PFDN1: variants seen among roughly 807,000 people sequenced by gnomAD.
The protein encoded by PFDN1 is prefoldin 1.
Under a neutral mutation model 17.3 loss-of-function variants are expected in PFDN1, and 6 were observed. The observed-to-expected ratio is 0.35, with a 90% CI of 0.19 to 0.69. PFDN1 has a LOEUF of 0.69. Ranked by LOEUF, PFDN1 falls within the 30% of genes least tolerant of loss-of-function variation. The pLI is 0.65. For missense variants in PFDN1, 113 were observed against 146.2 expected, an observed-to-expected ratio of 0.77 and a Z score of 1.17; for synonymous variants, 58 against 50.1, an observed-to-expected ratio of 1.16 and a Z score of -0.67.
chr5:140,297,439 G>A (rs1330338321), intron 2 of PFDN1, among the ~76,000 whole-genome samples: 2 of 152,104 alleles, frequency 1.3e-5, no homozygotes, highest in Non-Finnish European at 2.9e-5. Context: ...CTTCCTCTCA[G>A]GGCACTAATA....
chr5:140,260,499 T>C (rs780711180), intron 3 of PFDN1, among the ~76,000 whole-genome samples: 1 of 151,864 alleles, frequency 6.6e-6, no homozygotes, highest in Non-Finnish European at 1.5e-5. Flanking sequence ...CAATGGAATA[T>C]TATTCAGACA....
chr5:140,279,886 T>C (rs1244148887), intron 3 of PFDN1, among the ~76,000 whole-genome samples: 1 of 149,042 alleles, frequency 6.7e-6, no homozygotes, highest in East Asian at 2.0e-4. Context: ...TCCCAGCTAC[T>C]TGGGAAGCTG....
At chr5:140,246,231 T>C (rs1764827616) in intron 3 of PFDN1, among the ~76,000 whole-genome samples, 174 bp from the exon 4 acceptor site, 1 of 152,070 alleles carries the variant, frequency 6.6e-6, no homozygotes, top group Non-Finnish European at 1.5e-5. Flanking sequence ...CTCCGAACCA[T>C]GGGTGATCAC....
At chr5:140,275,346 C>T (rs1230927367) in intron 3 of PFDN1, among the ~76,000 whole-genome samples, 7 of 149,110 alleles carry the variant, frequency 4.7e-5, no homozygotes, top group Middle Eastern at 3.6e-3. Flanking sequence ...GAGGCGGAGC[C>T]TGCAGTGAGC....
At position 140,270,139 on chromosome 5, in the gene PFDN1, G is replaced by C. The variant is rs1765185183; in HGVS notation, c.285+11310C>G. On this transcript the variant is annotated intron_variant, in intron 3 of 3. Coordinates refer to ENST00000261813, the MANE Select transcript of PFDN1 (RefSeq NM_002622.5). ...GAAACTGATCAGAGTAAGAATCTAG[G>C]ATAAGGATTCTTGGCAAGGAAGTAT... Among the ~76,000 whole-genome samples the C allele has an allele frequency of 2.6e-5, 4 of 152,216 alleles. No homozygotes were observed. In the South Asian group the frequency reaches 8.3e-4, roughly 32 times the overall value.
At chr5:140,300,906 A>G (rs1561522429) in intron 1 of PFDN1, among the ~76,000 whole-genome samples, 1 of 152,252 alleles carries the variant, frequency 6.6e-6, no homozygotes, top group African/African-American at 2.4e-5. Context: ...AACAAGAACC[A>G]TAAAAGTAAT....
intron 2 of PFDN1, among the ~76,000 whole-genome samples, chr5:140,282,759 A>G (rs1765430405): frequency 1.3e-5 from 2 of 152,244 alleles, no homozygotes; most frequent in Admixed American, 1.3e-4. Flanking sequence ...GCCCCAAGTA[A>G]GTGAACTGAA....
At chr5:140,296,233 CT>C (rs997898676) in intron 2 of PFDN1, among the ~76,000 whole-genome samples, 5 of 152,008 alleles carry the variant, frequency 3.3e-5, no homozygotes, top group African/African-American at 1.2e-4. Context: ...TTCTAAAATA[CT>C]TTTTTTTCTA....
At chr5:140,287,829 GAA>G (rs1322579489) in intron 2 of PFDN1, among the ~76,000 whole-genome samples, 1 of 152,178 alleles carries the variant, frequency 6.6e-6, no homozygotes, top group East Asian at 1.9e-4. Context: ...ATAAGCAAGT[GAA>G]AAGATATTCA....
chr5:140,288,171 A>G (rs1204478932), intron 2 of PFDN1, among the ~76,000 whole-genome samples: 2 of 152,270 alleles, frequency 1.3e-5, no homozygotes, highest in African/African-American at 4.8e-5. Flanking sequence ...ATATTCTTCA[A>G]TAAGTGAATG....
intron 3 of PFDN1, among the ~76,000 whole-genome samples, chr5:140,249,077 C>T (rs1367223432): frequency 6.6e-6 from 1 of 152,186 alleles, no homozygotes; most frequent in African/African-American, 2.4e-5. Context: ...TCAATAATTC[C>T]TGTCTCAGTC....
At chr5:140,261,792 TAAGACAAG>T (rs1765069062) in intron 3 of PFDN1, among the ~76,000 whole-genome samples, 1 of 152,000 alleles carries the variant, frequency 6.6e-6, no homozygotes, top group African/African-American at 2.4e-5. Flanking sequence ...AACTTCTAGG[TAAGACAAG>T]CAACCCAGGA....
At position 140,278,587 on chromosome 5, in the gene PFDN1, A is replaced by ACC. The variant is rs1561508727; in HGVS notation, c.285+2861_285+2862insGG. ...AAAAAAAAAAAAAAAAAAAAAAAAA[A>ACC]CAAAAAACAAAACATAAGCTCCAAA... On this transcript the variant is annotated intron_variant, in intron 3 of 3. Transcript: ENST00000261813. 1.4e-4 allele frequency among the ~76,000 whole-genome samples: 18 copies of ACC among 131,784 alleles called. 1 individual carries two copies. The highest frequency in any genetic ancestry group is 2.4e-4 in the Non-Finnish European group (15 of 62,896). 86.5% of individuals were successfully genotyped at this position (131,784 alleles called of 152,430 possible). A position where few individuals can be genotyped will look rare whatever the true frequency, so the allele number is the denominator to read the frequency against.
At chr5:140,290,222 T>G (rs1765559224) in intron 2 of PFDN1, among the ~76,000 whole-genome samples, 1 of 152,186 alleles carries the variant, frequency 6.6e-6, no homozygotes, top group Non-Finnish European at 1.5e-5. Context: ...ATCATTGCAG[T>G]TGCATCCCCC....
intron 3 of PFDN1, among the ~76,000 whole-genome samples, chr5:140,255,329 C>A (rs954771492): frequency 6.6e-6 from 1 of 152,168 alleles, no homozygotes; most frequent in South Asian, 2.1e-4. Flanking sequence ...TACAACCCTG[C>A]ACTTTGGAAG....
At position 140,249,809 on chromosome 5, in the gene PFDN1, T is replaced by C. The variant is rs905284826; in HGVS notation, c.286-3752A>G. Among the ~76,000 whole-genome samples, 4 of 152,036 alleles carry C rather than the reference T, an allele frequency of 2.6e-5. No individual in the cohort carries two copies. In the East Asian group the frequency reaches 7.7e-4, roughly 29 times the overall value. Reference sequence around the variant, plus strand: ...AGCCAGTCAGTGAAGAAACAAAGCATGAGAACTCACTCCCATGAGAATGGT... The same window carrying C: ...AGCCAGTCAGTGAAGAAACAAAGCACGAGAACTCACTCCCATGAGAATGGT... On this transcript the variant is annotated intron_variant, in intron 3 of 3. Coordinates refer to ENST00000261813, the MANE Select transcript of PFDN1 (RefSeq NM_002622.5).
At chr5:140,276,059 GATA>G (rs751035013) in intron 3 of PFDN1, among the ~76,000 whole-genome samples, 2 of 144,260 alleles carry the variant, frequency 1.4e-5, no homozygotes, top group African/African-American at 2.5e-5. Context: ...TGATGATGAT[GATA>G]ATTACAGAGG....
intron 3 of PFDN1, among the ~76,000 whole-genome samples, chr5:140,253,819 C>T (rs1473833621): frequency 1.3e-5 from 2 of 152,198 alleles, no homozygotes; most frequent in Admixed American, 6.5e-5. Context: ...CTATAGAAAG[C>T]AATGGCTCTC....
rs747872437 is a variant in PFDN1 at position 140,303,019 on chromosome 5, CCTGCCAAAG to C, written c.33+13_33+21del. 1 of 1,583,766 alleles carries C rather than the reference CCTGCCAAAG, an allele frequency of 6.3e-7. No homozygotes were observed. The highest frequency in any genetic ancestry group is 1.1e-5 in the South Asian group (1 of 90,460). ...TCAGCCTCCAAAAAGAAGACCTCCG[CCTGCCAAAG>C]ACCCTCTTTTACCTTCTTCAGCTCT... On this transcript the variant is annotated intron_variant, in intron 1 of 3. Coordinates refer to ENST00000261813, the MANE Select transcript of PFDN1 (RefSeq NM_002622.5).
Sources: allele counts gnomAD v4.1 joint callset (sites outside exome capture counted in the v4.1 genomes callset), GRCh38; gene constraint gnomAD v4.1.1; transcripts MANE v1.5; gene names NCBI Gene and HGNC (gene_info 2026-07-23, HGNC 2026-07-21).